Variants in AUTS2 observed in about 807,000 individuals in gnomAD.
AUTS2 encodes activator of transcription and developmental regulator AUTS2, also known as autism susceptibility gene 2 protein.
Under a neutral mutation model 112.4 loss-of-function variants are expected in AUTS2, and 17 were observed. The observed-to-expected ratio is 0.15, with a 90% confidence interval of 0.10 to 0.23. AUTS2 has a LOEUF of 0.23. AUTS2 is among the 10% of genes least tolerant of loss of function. AUTS2 has a pLI of 1.00. For synonymous variants in AUTS2, 751 were observed against 702.7 expected, an observed-to-expected ratio of 1.07 and a Z score of -1.09; for missense variants, 1,510 against 1,701.6, an observed-to-expected ratio of 0.89 and a Z score of 1.98.
chr7:70,685,068 T>A (rs562944360), intron 5 of AUTS2, among the ~76,000 whole-genome samples: 1 of 152,254 alleles, frequency 6.6e-6, no homozygotes, highest in South Asian at 2.1e-4. Context: ...TTCAAGGCAC[T>A]GAAATGAAGA....
chr7:70,352,138 A>T (rs2129623577), intron 4 of AUTS2, among the ~76,000 whole-genome samples: 1 of 152,336 alleles, frequency 6.6e-6, no homozygotes, highest in South Asian at 2.1e-4. Flanking sequence ...CATACTAAAA[A>T]ACTGAGGCAC....
At chr7:70,549,506 G>C (rs1016908226) in intron 5 of AUTS2, among the ~76,000 whole-genome samples, 1 of 152,184 alleles carries the variant, frequency 6.6e-6, no homozygotes, top group Non-Finnish European at 1.5e-5. Flanking sequence ...GGGAAGAATG[G>C]GTGACTGCAT....
At chr7:69,797,149 C>T (rs1789881444) in intron 1 of AUTS2, among the ~76,000 whole-genome samples, 1 of 152,170 alleles carries the variant, frequency 6.6e-6, no homozygotes, top group African/African-American at 2.4e-5. Flanking sequence ...AATGTAACCT[C>T]TTGGGGAAGA....
intron 2 of AUTS2, among the ~76,000 whole-genome samples, chr7:70,024,727 G>A (rs1030826437): frequency 2.6e-5 from 4 of 152,092 alleles, no homozygotes; most frequent in Non-Finnish European, 4.4e-5. Flanking sequence ...AATCTGTAGG[G>A]CAAGCAGTAG....
At chr7:70,409,646 G>A (rs533678424) in intron 4 of AUTS2, among the ~76,000 whole-genome samples, 9 of 152,258 alleles carry the variant, frequency 5.9e-5, no homozygotes, top group South Asian at 4.1e-4. Context: ...GCCTAACTCC[G>A]TAAAAACGCA....
At chr7:70,419,520 T>A (rs1200388437) in intron 4 of AUTS2, among the ~76,000 whole-genome samples, 7 of 152,210 alleles carry the variant, frequency 4.6e-5, no homozygotes, top group Non-Finnish European at 1.0e-4. Context: ...GCCCTTGCTA[T>A]GTGCTGACAG....
chr7:70,676,909 C>T (rs1032664374), intron 5 of AUTS2, among the ~76,000 whole-genome samples: 33 of 152,250 alleles, frequency 2.2e-4, no homozygotes, highest in African/African-American at 7.5e-4. Flanking sequence ...TGTTTCTTTC[C>T]AGTCCTTCTC....
intron 1 of AUTS2, among the ~76,000 whole-genome samples, chr7:69,800,285 A>G (rs1485254874): frequency 2.0e-5 from 3 of 152,196 alleles, no homozygotes; most frequent in Admixed American, 6.5e-5. Context: ...AGTTGAGAAC[A>G]TGTGATAATT....
chr7:70,662,671 G>T (rs1807132546), intron 5 of AUTS2, among the ~76,000 whole-genome samples: 2 of 152,158 alleles, frequency 1.3e-5, no homozygotes, highest in Non-Finnish European at 1.5e-5. Context: ...CTAATAGAGG[G>T]TAGGCAGGTG....
intron 1 of AUTS2, among the ~76,000 whole-genome samples, chr7:69,704,453 T>C (rs1055860402): frequency 6.6e-6 from 1 of 152,026 alleles, no homozygotes; most frequent in Non-Finnish European, 1.5e-5. Flanking sequence ...AATTTTTTTG[T>C]ATTTTTAGTA....
intron 2 of AUTS2, among the ~76,000 whole-genome samples, chr7:70,088,280 C>T (rs564610043): frequency 2.0e-5 from 3 of 151,622 alleles, no homozygotes; most frequent in South Asian, 2.1e-4. Context: ...CCCACCACCA[C>T]GCCTGGCTAA....
At chr7:70,316,408 T>A (rs1006900168) in intron 4 of AUTS2, among the ~76,000 whole-genome samples, 1 of 143,152 alleles carries the variant, frequency 7.0e-6, no homozygotes, top group South Asian at 2.3e-4. Context: ...TATTTTTTTT[T>A]TTTTTTTTTT....
intron 1 of AUTS2, among the ~76,000 whole-genome samples, chr7:69,896,537 A>G (rs1459855273): frequency 6.6e-6 from 1 of 151,816 alleles, no homozygotes; most frequent in Non-Finnish European, 1.5e-5. Flanking sequence ...AGTGCACACT[A>G]GATTCCTTGG....
intron 5 of AUTS2, among the ~76,000 whole-genome samples, chr7:70,576,875 G>C (rs1436257297): frequency 6.6e-6 from 1 of 152,174 alleles, no homozygotes; most frequent in Non-Finnish European, 1.5e-5. Context: ...TTACCAAACA[G>C]CTTTGACCAC....
At chr7:70,138,858 C>T (rs1483465166) in intron 4 of AUTS2, among the ~76,000 whole-genome samples, 1 of 152,200 alleles carries the variant, frequency 6.6e-6, no homozygotes, top group Non-Finnish European at 1.5e-5. Flanking sequence ...TGTAGCTTTC[C>T]ATCCAGGGTT....
chr7:69,833,055 G>A (rs116623933), intron 1 of AUTS2, among the ~76,000 whole-genome samples: 2,559 of 152,208 alleles, frequency 0.017, 69 homozygotes, highest in African/African-American at 0.055. Context: ...ATTATTCTTC[G>A]TAGGTATATC....
intron 14 of AUTS2, among the ~76,000 whole-genome samples, chr7:70,780,537 G>A (rs1791003611): frequency 6.6e-6 from 1 of 151,918 alleles, no homozygotes; most frequent in South Asian, 2.1e-4. Context: ...CACCACGCCT[G>A]GCTGATCTTT....
At chr7:70,468,739 CAA>C (rs967791954) in intron 5 of AUTS2, among the ~76,000 whole-genome samples, 4 of 151,896 alleles carry the variant, frequency 2.6e-5, no homozygotes, top group Non-Finnish European at 5.9e-5. Flanking sequence ...AAGCAGGAAT[CAA>C]AGAGTCGGGT....
At chr7:70,295,621 C>T (rs985719679) in intron 4 of AUTS2, among the ~76,000 whole-genome samples, 6 of 152,140 alleles carry the variant, frequency 3.9e-5, no homozygotes, top group Admixed American at 6.5e-5. Flanking sequence ...ATTGCCTCAA[C>T]TCTATTGAGT....
Sources: gnomAD v4.1 joint callset for allele counts (sites outside exome capture counted in the v4.1 genomes callset) on GRCh38, gnomAD v4.1.1 for gene constraint, MANE v1.5 for transcripts, NCBI Gene and HGNC (gene_info 2026-07-23, HGNC 2026-07-21) for gene names.